Variants in GGA1 observed in about 807,000 individuals in gnomAD.
The protein encoded by GGA1 is golgi associated, gamma adaptin ear containing, ARF binding protein 1.
In GGA1, 18 loss-of-function variants were observed where a neutral mutation model predicts 76.9. That is an observed-to-expected ratio of 0.23 (90% CI 0.16 to 0.35). The LOEUF is 0.35. GGA1 is among the 10% of genes least tolerant of loss of function. GGA1 has a pLI of 1.00. For missense variants in GGA1, 755 were observed against 859.0 expected, an observed-to-expected ratio of 0.88 and a Z score of 1.51; for synonymous variants, 342 against 354.7, an observed-to-expected ratio of 0.96 and a Z score of 0.40.
rs992630857 is a variant in GGA1 at position 37,632,613 on chromosome 22, C to T, written c.1822C>T (p.Leu608Phe). Reference sequence around the variant, plus strand: ...ATCTCTTCCCCAGGAGAAGGTTCGCCTCCGCTACAAGCTCACCTTCACCAT... The same window carrying T: ...ATCTCTTCCCCAGGAGAAGGTTCGCTTCCGCTACAAGCTCACCTTCACCAT... ...LANPQKEKVRLRYKLTFTMGD... is the reference protein window; with the variant it reads ...LANPQKEKVRFRYKLTFTMGD... The change falls in exon 17 of 17, where the codon CTC becomes TTC. Residue 608 changes from leucine (L) to phenylalanine (F), a missense_variant. Transcript: ENST00000343632. This position sits in a 1 kb window ranked among gnomAD's most constrained non-coding sequence, Gnocchi z 5.1. 6.2e-7 allele frequency: 1 copy of T among 1,612,406 alleles called. No individual in the cohort carries two copies. Among genetic ancestry groups the T allele is most frequent in the Non-Finnish European group, 8.5e-7 (1 of 1,178,510 alleles).
intron 14 of GGA1, 58 bp from the exon 15 acceptor site, chr22:37,631,938 G>A (rs1931871186): frequency 6.7e-7 from 1 of 1,491,706 alleles, no homozygotes; most frequent in African/African-American, 1.4e-5. Context: ...GGGGGCTGGG[G>A]GCTGAGCGGA....
At chr22:37,629,743 C>T (rs1406509956) in intron 12 of GGA1, among the ~76,000 whole-genome samples, 1 of 152,212 alleles carries the variant, frequency 6.6e-6, no homozygotes, top group Non-Finnish European at 1.5e-5. Flanking sequence ...GGCTGCAGCC[C>T]AGCCTTTGGG....
rs1930407647 is a variant in GGA1, at chr22:37,624,239, GT to G, written c.832+607del. ...CACACCCTGGCACCTGGGGAAGGCAGTGTTGCCGAGGGCCTGATTGGTGCCA... is the reference window on the plus strand; with the variant it reads ...CACACCCTGGCACCTGGGGAAGGCAGGTTGCCGAGGGCCTGATTGGTGCCA... On this transcript the variant is annotated intron_variant, in intron 9 of 16. Coordinates refer to ENST00000343632, the MANE Select transcript of GGA1 (RefSeq NM_013365.5). The surrounding 1 kb of genome is among the most constrained non-coding windows in gnomAD (Gnocchi z 4.3). 1 of 159,674 alleles carries G rather than the reference GT, an allele frequency of 6.3e-6. No individual in the cohort carries two copies. The highest frequency in any genetic ancestry group is 1.6e-4 in the South Asian group (1 of 6,134). 9.9% of individuals were successfully genotyped at this position (159,674 alleles called of 1,614,324 possible). A position where few individuals can be genotyped will look rare whatever the true frequency, so the allele number is the denominator to read the frequency against.
At chr22:37,630,809 C>A in intron 13 of GGA1, 94 bp from the exon 14 acceptor site, 1 of 841,344 alleles carries the variant, frequency 1.2e-6, no homozygotes, top group Non-Finnish European at 1.9e-6. Context: ...CTCAAGCGAT[C>A]TGCCCGCCTC....
At chr22:37,627,577 G>A (rs983343295) in intron 11 of GGA1, among the ~76,000 whole-genome samples, 1 of 152,232 alleles carries the variant, frequency 6.6e-6, no homozygotes, top group African/African-American at 2.4e-5. Flanking sequence ...AGCCCTGGGT[G>A]GCAGCTACCT....
intron 2 of GGA1, among the ~76,000 whole-genome samples, chr22:37,615,548 G>A (rs891211408): frequency 1.4e-4 from 21 of 152,042 alleles, no homozygotes; most frequent in African/African-American, 4.6e-4. Flanking sequence ...GGTGGATCAC[G>A]AGGCCAACAG....
In GGA1 at chr22:37,614,176, C is replaced by G; in HGVS notation, c.44-14C>G. 1 of 1,594,190 alleles carries G rather than the reference C, an allele frequency of 6.3e-7. No individual in the cohort carries two copies. The highest frequency in any genetic ancestry group is 8.6e-7 in the Non-Finnish European group (1 of 1,162,264). The stretch of plus-strand genomic sequence containing the variant: ...CACTGCCGGGCCACAATGACCCCAG[C>G]TCTCCTCTTCCAGATAGAGCCACGA... On this transcript the variant is annotated splice_polypyrimidine_tract_variant and intron_variant, in intron 1 of 16. Coordinates refer to ENST00000343632, the MANE Select transcript of GGA1 (RefSeq NM_013365.5).
At chr22:37,612,580 G>A (rs1176944568) in intron 1 of GGA1, 1 of 137,410 alleles carries the variant, frequency 7.3e-6, no homozygotes, top group Non-Finnish European at 1.6e-5. Context: ...GACCATCCTG[G>A]CTAACATGGT....
At chr22:37,630,242 G>C in intron 13 of GGA1, 72 bp downstream of exon 13, 2 of 1,142,270 alleles carry the variant, frequency 1.8e-6, no homozygotes, top group Non-Finnish European at 2.5e-6. Context: ...CTTCTCCTGG[G>C]CTTGTCCAGG....
intron 1 of GGA1, chr22:37,609,159 G>A: frequency 6.9e-7 from 1 of 1,445,090 alleles, no homozygotes. Flanking sequence ...CGGCGAGTGA[G>A]CTGCGCCGGG....
intron 4 of GGA1, among the ~76,000 whole-genome samples, chr22:37,619,395 T>G (rs1367772143): frequency 6.8e-6 from 1 of 146,058 alleles, no homozygotes; most frequent in Non-Finnish European, 1.5e-5. Context: ...TTTTTTTTTT[T>G]GACAAGGAGT....
Position 37,618,518 on chromosome 22 carries a change from A to T in GGA1, c.275A>T (p.Asn92Ile), listed in dbSNP as rs765552847. ...HDEVGKFRFL[N>I]ELIKVVSPKY... is the part of the protein sequence containing the mutation. ...GAAGTGGGCAAGTTCCGCTTTCTCA[A>T]CGAGCTCATCAAGGTCGTGTCTCCC... is the stretch of plus-strand genomic sequence containing the variant. The change falls in exon 4 of 17, where the codon AAC (asparagine) becomes ATC (isoleucine). Residue 92 changes from asparagine to isoleucine, a missense_variant. Asn to Ile is a moderately radical substitution (Grantham distance 149). Coordinates refer to ENST00000343632, the MANE Select transcript of GGA1 (RefSeq NM_013365.5). 6.2e-7 allele frequency: 1 copy of T among 1,612,886 alleles called. No individual in the cohort carries two copies. Among genetic ancestry groups the T allele is most frequent in the South Asian group, 1.1e-5 (1 of 91,058 alleles).
chr22:37,630,207 A>G (rs1291908288), intron 13 of GGA1, 37 bp downstream of exon 13: 6 of 1,478,212 alleles, frequency 4.1e-6, no homozygotes, highest in Middle Eastern at 1.8e-4. Flanking sequence ...GGTGGGGAGC[A>G]CTCCCTGTTC....
Position 37,624,909 on chromosome 22 carries a change from CT to C in GGA1, c.833-59del. On this transcript the variant is annotated intron_variant, in intron 9 of 16. Transcript: ENST00000343632. This position sits in a 1 kb window ranked among gnomAD's most constrained non-coding sequence, Gnocchi z 4.3. ...GTGATGGATGTGGGGTCCTCGTCCC[CT>C]GCCGCCCAGAGGCCCCCACAGTCCT... 2 of 1,534,542 alleles carry C rather than the reference CT, an allele frequency of 1.3e-6. No homozygotes were observed. Among genetic ancestry groups the C allele is most frequent in the Non-Finnish European group, 1.8e-6 (2 of 1,135,470 alleles).
At chr22:37,609,367 A>ACGC in intron 1 of GGA1, 1 of 1,085,552 alleles carries the variant, frequency 9.2e-7, no homozygotes, top group Non-Finnish European at 1.1e-6. Context: ...GCAAGTAGTC[A>ACGC]CATTTGCTCA....
At chr22:37,608,946 C>T (rs1926910482) in intron 1 of GGA1, 43 bp downstream of exon 1, 1 of 1,298,028 alleles carries the variant, frequency 7.7e-7, no homozygotes, top group Non-Finnish European at 9.8e-7. Flanking sequence ...GAACCGGAAC[C>T]GGGGGCACGA....
intron 11 of GGA1, 97 bp from the exon 12 acceptor site, chr22:37,629,365 G>A: frequency 1.3e-6 from 1 of 797,568 alleles, no homozygotes; most frequent in Non-Finnish European, 2.1e-6. Context: ...CCTCAGAAAG[G>A]GGTAGGGAGC....
rs1041294298 is a variant in GGA1 at position 37,623,120 on chromosome 22, C to T, written c.610-207C>T. On this transcript the variant is annotated intron_variant, in intron 7 of 16. Transcript: ENST00000343632. This position sits in a 1 kb window ranked among gnomAD's most constrained non-coding sequence, Gnocchi z 4.6. ...AGATCCTGATGAGCTTGTGCAGAGG[C>T]CTGGGCACTGGGGGCTTCTTGGACC... Among the ~76,000 whole-genome samples the T allele has an allele frequency of 3.3e-5, 5 of 152,192 alleles. No homozygotes were observed. Among genetic ancestry groups the T allele is most frequent in the Non-Finnish European group, 5.9e-5 (4 of 68,038 alleles).
chr22:37,613,023 G>T lies in GGA1; in HGVS notation c.44-1167G>T, dbSNP rs1601501124. On this transcript the variant is annotated intron_variant, in intron 1 of 16. Coordinates refer to ENST00000343632, the MANE Select transcript of GGA1 (RefSeq NM_013365.5). ...AGCTGACTGCTCATTCATTTGCCAAGGGGAGACAGGTGTGGACATGAGTGG... is the reference window on the plus strand; with the variant it reads ...AGCTGACTGCTCATTCATTTGCCAATGGGAGACAGGTGTGGACATGAGTGG... 9.1e-6 allele frequency: 9 copies of T among 985,386 alleles called. No individual in the cohort carries two copies. The South Asian group carries it at 4.2e-4, about 46-fold the overall frequency. The allele number at this position is 985,386 out of a possible 1,614,324, so 61.0% of individuals were successfully genotyped here.
Sources: allele counts gnomAD v4.1 joint callset (sites outside exome capture counted in the v4.1 genomes callset), GRCh38; gene constraint gnomAD v4.1.1; non-coding constraint Gnocchi (gnomAD v3.1); transcripts MANE v1.5; gene names NCBI Gene and HGNC (gene_info 2026-07-23, HGNC 2026-07-21).